TMEM87A: variants seen among roughly 807,000 people sequenced by gnomAD.
The protein encoded by TMEM87A is Golgi-pH regulating cation channel.
TMEM87A carries 50 observed loss-of-function variants against 90.0 expected under a neutral mutation model. The observed-to-expected ratio is 0.56, with a 90% CI of 0.44 to 0.70. TMEM87A has a LOEUF of 0.70. Among genes scored for constraint, TMEM87A ranks in the 30% least tolerant of loss-of-function variants. TMEM87A has a pLI of 0.00. For synonymous variants in TMEM87A, 226 were observed against 226.7 expected, an observed-to-expected ratio of 1.00 and a Z score of 0.03; for missense variants, 577 against 660.5, an observed-to-expected ratio of 0.87 and a Z score of 1.39.
chr15:42,248,688 T>A (rs1302622173), intron 6 of TMEM87A, among the ~76,000 whole-genome samples: 2 of 152,224 alleles, frequency 1.3e-5, no homozygotes, highest in Non-Finnish European at 2.9e-5. Context: ...GGTTTGCAAG[T>A]ATTTTATTGA....
At chr15:42,232,960 C>T in intron 11 of TMEM87A, 1 of 258,418 alleles carries the variant, frequency 3.9e-6, no homozygotes, top group Non-Finnish European at 7.3e-6. Context: ...AAGTCTACTG[C>T]TTGGGAGGAG....
At chr15:42,258,196 C>G in intron 6 of TMEM87A, 1 of 967,178 alleles carries the variant, frequency 1.0e-6, no homozygotes. Context: ...ATTTACCAAA[C>G]TGACGACATG....
chr15:42,237,828 T>C (rs2050801871), intron 8 of TMEM87A, among the ~76,000 whole-genome samples: 1 of 152,130 alleles, frequency 6.6e-6, no homozygotes, highest in Non-Finnish European at 1.5e-5. Context: ...GCGCCTGTCC[T>C]GAATCAATAT....
At chr15:42,247,672 C>A (rs889450231) in intron 6 of TMEM87A, among the ~76,000 whole-genome samples, 3 of 152,162 alleles carry the variant, frequency 2.0e-5, no homozygotes, top group African/African-American at 7.2e-5. Flanking sequence ...CAGTACCATG[C>A]TGTTTTGGTT....
At chr15:42,243,070 T>C (rs2050901086) in intron 7 of TMEM87A, among the ~76,000 whole-genome samples, 1 of 151,820 alleles carries the variant, frequency 6.6e-6, no homozygotes, top group South Asian at 2.1e-4. Context: ...ATCGAAACCA[T>C]CCTGGCTAAC....
At chr15:42,218,272 G>A (rs939685834) in intron 18 of TMEM87A, 51 bp downstream of exon 18, 17 of 1,556,310 alleles carry the variant, frequency 1.1e-5, no homozygotes, top group Admixed American at 8.4e-5. Context: ...TAATAACAAA[G>A]TAGTACTAAC....
At chr15:42,233,402 AT>A in intron 10 of TMEM87A, 96 bp from the exon 11 acceptor site, 1 of 842,176 alleles carries the variant, frequency 1.2e-6, no homozygotes, top group South Asian at 1.6e-5. Context: ...TAGGCCAACA[AT>A]TTAAAGCAAT....
rs11308996 is a variant in TMEM87A, at chr15:42,269,942, CAAAA to C, written c.206-1914_206-1911del. 1.8e-4 allele frequency among the ~76,000 whole-genome samples: 13 copies of C among 71,668 alleles called. No homozygotes were observed. In the East Asian group the frequency reaches 3.5e-3, roughly 19 times the overall value. The allele number at this position is 71,668 out of a possible 152,430, so 47.0% of individuals were successfully genotyped here. A position where few individuals can be genotyped will look rare whatever the true frequency, so the allele number is the denominator to read the frequency against. On this transcript the variant is annotated intron_variant, in intron 2 of 19. Transcript: ENST00000389834. ...TGGGCGACAGAGCGAGACTCCGTCT[CAAAA>C]AAAAAAAAAAAAAAAAAAATGGTCC...
In TMEM87A at chr15:42,211,576, A is replaced by G; in HGVS notation, c.*132T>C. The G allele has an allele frequency of 3.5e-6, 3 of 864,446 alleles. No individual in the cohort carries two copies. The highest frequency in any genetic ancestry group is 2.6e-5 in the East Asian group (1 of 39,170). The allele number at this position is 864,446 out of a possible 1,614,324, so 53.5% of individuals were successfully genotyped here. A position where few individuals can be genotyped will look rare whatever the true frequency, so the allele number is the denominator to read the frequency against. On this transcript the variant is annotated 3_prime_UTR_variant, in exon 20 of 20. Transcript: ENST00000389834. The stretch of plus-strand genomic sequence containing the variant: ...GTTCTGACACCTCTCGCCAACTCCA[A>G]TGCCCAAAGATCAAGGAACAGATCA...
intron 19 of TMEM87A, among the ~76,000 whole-genome samples, chr15:42,212,587 C>CT (rs2050310557): frequency 6.6e-6 from 1 of 152,148 alleles, no homozygotes; most frequent in Non-Finnish European, 1.5e-5. Flanking sequence ...GATCCCAAGT[C>CT]TTTTTCCTAG....
intron 6 of TMEM87A, among the ~76,000 whole-genome samples, chr15:42,260,667 G>C (rs895527743): frequency 6.6e-6 from 1 of 152,172 alleles, no homozygotes; most frequent in African/African-American, 2.4e-5. Flanking sequence ...TTTAGATGAA[G>C]TTTAAGAGTT....
At chr15:42,233,891 T>C (rs1260772612) in intron 10 of TMEM87A, among the ~76,000 whole-genome samples, 1 of 150,970 alleles carries the variant, frequency 6.6e-6, no homozygotes, top group Non-Finnish European at 1.5e-5. Flanking sequence ...CACCTCAGCC[T>C]CCCGAGTAGC....
Position 42,231,748 on chromosome 15 carries a change from C to G in TMEM87A, c.1063-488G>C, listed in dbSNP as rs574598000. 5 of 382,256 alleles carry G rather than the reference C, an allele frequency of 1.3e-5. No individual in the cohort carries two copies. The East Asian group carries it at 5.6e-4, about 43-fold the overall frequency. The allele number at this position is 382,256 out of a possible 1,614,324, so 23.7% of individuals were successfully genotyped here. ...AATAAAATGTAAGGCAATTATCTGTCTGAAAAACTATGCTGCATGTTTCCA... is the reference window on the plus strand; with the variant it reads ...AATAAAATGTAAGGCAATTATCTGTGTGAAAAACTATGCTGCATGTTTCCA... On this transcript the variant is annotated intron_variant, in intron 11 of 19. Transcript: ENST00000389834.
intron 4 of TMEM87A, among the ~76,000 whole-genome samples, chr15:42,263,245 C>T (rs879782382): frequency 6.6e-6 from 1 of 152,106 alleles, no homozygotes; most frequent in South Asian, 2.1e-4. Flanking sequence ...TCTGATAACG[C>T]TATAACATGG....
At chr15:42,250,327 T>C (rs1027521245) in intron 6 of TMEM87A, among the ~76,000 whole-genome samples, 2 of 152,226 alleles carry the variant, frequency 1.3e-5, no homozygotes, top group African/African-American at 4.8e-5. Context: ...AGTGGGTTAT[T>C]TTGCCCGTTG....
intron 6 of TMEM87A, chr15:42,258,183 A>G: frequency 1.0e-6 from 1 of 973,748 alleles, no homozygotes; most frequent in Non-Finnish European, 1.2e-6. Context: ...GATGCAATAC[A>G]ATATTTACCA....
chr15:42,264,699 A>ATATTTTTTT (rs10681614), intron 3 of TMEM87A, among the ~76,000 whole-genome samples: 3 of 109,424 alleles, frequency 2.7e-5, no homozygotes, highest in Non-Finnish European at 5.7e-5. Flanking sequence ...ATATATATAT[A>ATATTTTTTT]TTTTTTTTTT....
chr15:42,273,268 A>G lies in TMEM87A; in HGVS notation c.131T>C (p.Ile44Thr), dbSNP rs760569422. 6.2e-7 allele frequency: 1 copy of G among 1,613,518 alleles called. No homozygotes were observed. Among genetic ancestry groups the G allele is most frequent in the South Asian group, 1.1e-5 (1 of 91,030 alleles). ...GTGAATACTCACCGACGGTATCGGA[A>G]TGTGCCATTTGGACCGGTCGGCAGC... is the stretch of plus-strand genomic sequence containing the variant. ...VAAADRSKWHIPIPSGKNYFS... is the reference protein window; with the variant it reads ...VAAADRSKWHTPIPSGKNYFS... Residue 44 changes from isoleucine (I) to threonine (T), a missense_variant, in exon 1 of 20, where the codon ATT becomes ACT. Coordinates refer to ENST00000389834, the MANE Select transcript of TMEM87A (RefSeq NM_015497.5).
chr15:42,224,912 G>A (rs2140924268), intron 15 of TMEM87A, among the ~76,000 whole-genome samples: 1 of 152,064 alleles, frequency 6.6e-6, no homozygotes. Flanking sequence ...AAAAGAAGAG[G>A]GAAGGTAACG....
Sources: allele counts gnomAD v4.1 joint callset (sites outside exome capture counted in the v4.1 genomes callset), GRCh38; gene constraint gnomAD v4.1.1; transcripts MANE v1.5; gene names NCBI Gene and HGNC (gene_info 2026-07-23, HGNC 2026-07-21).